EYS: variants seen among roughly 807,000 people sequenced by gnomAD.
EYS encodes the protein EGF-like photoreceptor maintenance factor, also known as protein eyes shut homolog.
EYS carries 250 observed loss-of-function variants against 282.1 expected under a neutral mutation model. The observed-to-expected ratio is 0.89, with a 90% CI of 0.80 to 0.98. EYS has a LOEUF of 0.98. Ranked by LOEUF, EYS falls within the 50% of genes least tolerant of loss-of-function variation. EYS has a pLI of 0.00. For missense variants in EYS, 4,016 were observed against 3,709.0 expected (o/e 1.08, Z -2.15); for synonymous variants, 1,355 against 1,282.9 (o/e 1.06, Z -1.20).
rs1325931978 is a variant in EYS at position 65,591,381 on chromosome 6, T to C, written c.-333+48397A>G. ...GTGTGTGTGTATGTGTATATATATG[T>C]GTGTGCCTGTGTGTGTTTCTCATAA... On this transcript the variant is annotated intron_variant, in intron 2 of 42. Coordinates refer to ENST00000503581, the MANE Select transcript of EYS (RefSeq NM_001142800.2). 3.3e-5 allele frequency among the ~76,000 whole-genome samples: 5 copies of C among 151,928 alleles called. No homozygotes were observed. In the Admixed American group the frequency reaches 3.3e-4, roughly 10 times the overall value.
chr6:64,015,652 A>G lies in EYS; in HGVS notation c.6726-16469T>C, dbSNP rs555429372. 1.8e-4 allele frequency among the ~76,000 whole-genome samples: 28 copies of G among 152,326 alleles called. 1 individual carries two copies. The South Asian group carries it at 4.6e-3, about 25-fold the overall frequency. ...CTATTATATAAGAAATGTAGGTGAT[A>G]GGTGATGGTGAGGTGAAGGTGAATA... On this transcript the variant is annotated intron_variant, in intron 33 of 42. Transcript: ENST00000503581.
chr6:65,055,369 G>A (rs907320608), intron 13 of EYS, among the ~76,000 whole-genome samples: 8 of 151,978 alleles, frequency 5.3e-5, no homozygotes, highest in African/African-American at 7.2e-5. Flanking sequence ...TAGATTTACA[G>A]AACAGTTGCA....
intron 30 of EYS, among the ~76,000 whole-genome samples, chr6:64,267,698 G>C (rs1210672476): frequency 6.6e-6 from 1 of 152,048 alleles, no homozygotes; most frequent in African/African-American, 2.4e-5. Context: ...TTTAATTTCT[G>C]TTTTGAACAT....
chr6:65,618,849 G>A (rs1009637619), intron 2 of EYS, among the ~76,000 whole-genome samples: 2 of 152,122 alleles, frequency 1.3e-5, no homozygotes, highest in Non-Finnish European at 2.9e-5. Flanking sequence ...GTTTGTCAAA[G>A]ATCAGACAGT....
chr6:63,878,524 G>C (rs1296319439), intron 35 of EYS, among the ~76,000 whole-genome samples: 1 of 152,242 alleles, frequency 6.6e-6, no homozygotes, highest in Non-Finnish European at 1.5e-5. Flanking sequence ...GGACGTTTAA[G>C]TCTGTAGAAG....
At chr6:64,007,045 T>A (rs1768383331) in intron 33 of EYS, among the ~76,000 whole-genome samples, 1 of 152,176 alleles carries the variant, frequency 6.6e-6, no homozygotes, top group East Asian at 1.9e-4. Flanking sequence ...CATCCTCAAC[T>A]TTTTGGAATA....
chr6:64,974,396 G>A (rs1770404613), intron 14 of EYS, among the ~76,000 whole-genome samples: 1 of 148,430 alleles, frequency 6.7e-6, no homozygotes, highest in South Asian at 2.1e-4. Flanking sequence ...CACCTGAGGT[G>A]CTTGTTAAAA....
intron 36 of EYS, among the ~76,000 whole-genome samples, chr6:63,833,993 A>G (rs1461464935): frequency 1.3e-5 from 2 of 152,254 alleles, no homozygotes; most frequent in Non-Finnish European, 2.9e-5. Context: ...GTTCTGGGAA[A>G]ACTGGCTAGC....
At chr6:63,887,002 T>C (rs1474469386) in intron 35 of EYS, among the ~76,000 whole-genome samples, 1 of 152,224 alleles carries the variant, frequency 6.6e-6, no homozygotes, top group East Asian at 1.9e-4. Context: ...TATTCTCCTT[T>C]GAATCAGACA....
At chr6:64,076,887 A>C (rs554623046) in intron 32 of EYS, among the ~76,000 whole-genome samples, 3 of 152,070 alleles carry the variant, frequency 2.0e-5, no homozygotes, top group Admixed American at 2.0e-4. Flanking sequence ...GACATGTCAC[A>C]ACCAGGTTTC....
At chr6:64,534,613 T>C (rs1048310594) in intron 26 of EYS, among the ~76,000 whole-genome samples, 1 of 152,190 alleles carries the variant, frequency 6.6e-6, no homozygotes, top group Non-Finnish European at 1.5e-5. Flanking sequence ...CCTCTTTCTC[T>C]TTTCATTTGA....
chr6:64,420,016 A>G (rs1774179455), intron 28 of EYS, among the ~76,000 whole-genome samples: 1 of 152,182 alleles, frequency 6.6e-6, no homozygotes, highest in African/African-American at 2.4e-5. Flanking sequence ...TCTGCCCCTG[A>G]AGCAAACTTC....
chr6:64,455,649 C>T (rs1428468061), intron 26 of EYS, among the ~76,000 whole-genome samples: 5 of 152,016 alleles, frequency 3.3e-5, no homozygotes, highest in Admixed American at 3.3e-4. Context: ...ATTCCCTTCC[C>T]TGTGTCTATG....
At chr6:64,363,754 A>G (rs1772099946) in intron 29 of EYS, among the ~76,000 whole-genome samples, 1 of 151,930 alleles carries the variant, frequency 6.6e-6, no homozygotes, top group South Asian at 2.1e-4. Context: ...ACTAACTATA[A>G]CTTATTAAAC....
At chr6:65,532,354 C>T (rs777980530) in intron 2 of EYS, among the ~76,000 whole-genome samples, 1 of 151,942 alleles carries the variant, frequency 6.6e-6, no homozygotes, top group African/African-American at 2.4e-5. Context: ...TTTCTTTGAT[C>T]CAAAATTGTT....
In EYS at chr6:65,407,862, G is replaced by T. The variant is rs376063988; in HGVS notation, c.863-2495C>A. Among the ~76,000 whole-genome samples the T allele has an allele frequency of 7.3e-5, 11 of 151,186 alleles. No individual in the cohort carries two copies. In the East Asian group the frequency reaches 2.2e-3, roughly 30 times the overall value. ...TGGTGAAAGTAGATATCATAGTCTT[G>T]TTCCCAATTCTTCCAAGAAAAGCTG... On this transcript the variant is annotated intron_variant, in intron 5 of 42. Coordinates refer to ENST00000503581, the MANE Select transcript of EYS (RefSeq NM_001142800.2).
intron 29 of EYS, among the ~76,000 whole-genome samples, chr6:64,326,514 G>T (rs1214498043): frequency 1.3e-5 from 2 of 152,154 alleles, no homozygotes; most frequent in African/African-American, 4.8e-5. Context: ...TTGGGGCTCA[G>T]ACTTTCTGGA....
intron 2 of EYS, among the ~76,000 whole-genome samples, chr6:65,609,701 A>G (rs1213723727): frequency 6.6e-6 from 1 of 152,146 alleles, no homozygotes; most frequent in Non-Finnish European, 1.5e-5. Context: ...GACAAAACCA[A>G]TGACAAAAAG....
intron 33 of EYS, among the ~76,000 whole-genome samples, chr6:64,023,888 G>A (rs558782408): frequency 5.6e-4 from 86 of 152,332 alleles, no homozygotes; most frequent in Non-Finnish European, 9.6e-4. Flanking sequence ...GGCCGGCCCC[G>A]CCAGCCCAGG....
Sources: gnomAD v4.1 joint callset for allele counts (sites outside exome capture counted in the v4.1 genomes callset) on GRCh38, gnomAD v4.1.1 for gene constraint, MANE v1.5 for transcripts, NCBI Gene and HGNC (gene_info 2026-07-23, HGNC 2026-07-21) for gene names.